Variants in GULP1 observed in about 807,000 individuals in gnomAD.
GULP1 encodes GULP PTB domain containing engulfment adaptor 1.
Under a neutral mutation model 40.9 loss-of-function variants are expected in GULP1, and 19 were observed. The ratio of observed to expected loss-of-function variants is 0.46; its 90% CI spans 0.32 to 0.68. GULP1 has a LOEUF of 0.68. Among genes scored for constraint, GULP1 ranks in the 30% least tolerant of loss-of-function variants. GULP1 has a pLI of 0.03. For synonymous variants in GULP1, 119 were observed against 117.6 expected, an observed-to-expected ratio of 1.01 and a Z score of -0.08; for missense variants, 312 against 362.2, an observed-to-expected ratio of 0.86 and a Z score of 1.12.
Position 188,477,700 on chromosome 2 carries a change from A to G in GULP1, c.-3A>G. The G allele has an allele frequency of 6.3e-7, 1 of 1,598,768 alleles. No individual in the cohort carries two copies. The highest frequency in any genetic ancestry group is 8.5e-7 in the Non-Finnish European group (1 of 1,173,292). On this transcript the variant is annotated 5_prime_UTR_variant, in exon 3 of 12. Transcript: ENST00000409830. ...CTGAACATTTATTTGGCTGATCCTC[A>G]TCATGAACCGTGCTTTTAGCAGGAA...
At chr2:188,430,977 A>G (rs2056807965) in intron 2 of GULP1, among the ~76,000 whole-genome samples, 1 of 152,192 alleles carries the variant, frequency 6.6e-6, no homozygotes, top group Non-Finnish European at 1.5e-5. Context: ...CCTTTTTAAT[A>G]TCATATTTTC....
intron 1 of GULP1, among the ~76,000 whole-genome samples, chr2:188,331,157 T>C (rs1191815012): frequency 6.6e-6 from 1 of 152,188 alleles, no homozygotes; most frequent in African/African-American, 2.4e-5. Flanking sequence ...TGAAGTATAA[T>C]TGAGCCTTAG....
intron 7 of GULP1, among the ~76,000 whole-genome samples, chr2:188,549,072 A>G (rs1692745535): frequency 6.6e-6 from 1 of 151,886 alleles, no homozygotes; most frequent in Non-Finnish European, 1.5e-5. Context: ...ATTGACATCC[A>G]TAGCAGGATT....
At chr2:188,417,967 T>G (rs1488913508) in intron 2 of GULP1, among the ~76,000 whole-genome samples, 1 of 151,728 alleles carries the variant, frequency 6.6e-6, no homozygotes, top group African/African-American at 2.4e-5. Context: ...TTTTTTTTTG[T>G]TTTTTTGTTT....
intron 2 of GULP1, among the ~76,000 whole-genome samples, chr2:188,417,743 T>C (rs1366899952): frequency 6.6e-6 from 1 of 152,202 alleles, no homozygotes; most frequent in Admixed American, 6.5e-5. Flanking sequence ...GAGTAGATTT[T>C]TACTTTTAGG....
chr2:188,477,639 A>G lies in GULP1; in HGVS notation c.-44-20A>G. On this transcript the variant is annotated intron_variant, in intron 2 of 11. Transcript: ENST00000409830. ...TCAACAGTCCTTTGTTTATGTTTTA[A>G]TATTTTGTCACTTTTACAGGATTTA... 1 of 1,297,038 alleles carries G rather than the reference A, an allele frequency of 7.7e-7. No homozygotes were observed. The highest frequency in any genetic ancestry group is 2.1e-5 in the Admixed American group (1 of 48,618). The allele number at this position is 1,297,038 out of a possible 1,614,324, so 80.3% of individuals were successfully genotyped here.
At chr2:188,314,474 C>T (rs1252830887) in intron 1 of GULP1, among the ~76,000 whole-genome samples, 1 of 152,134 alleles carries the variant, frequency 6.6e-6, no homozygotes, top group Non-Finnish European at 1.5e-5. Context: ...AACCTCTCTC[C>T]TCCCACTTGC....
chr2:188,513,019 TAA>T (rs1281253998), intron 4 of GULP1, among the ~76,000 whole-genome samples: 1 of 152,252 alleles, frequency 6.6e-6, no homozygotes, highest in East Asian at 1.9e-4. Context: ...CTGCAGCCTG[TAA>T]AATGCTGTCT....
chr2:188,528,957 CTT>C, intron 5 of GULP1, 138 bp from the exon 6 acceptor site: 1 of 529,042 alleles, frequency 1.9e-6, no homozygotes. Context: ...TTGAGACTAT[CTT>C]TATAAAATGC....
chr2:188,504,084 C>T (rs1004962094), intron 4 of GULP1, among the ~76,000 whole-genome samples: 1 of 151,756 alleles, frequency 6.6e-6, no homozygotes, highest in African/African-American at 2.4e-5. Flanking sequence ...AAAAGTAATG[C>T]TAAAAATGAT....
chr2:188,510,611 CCTCA>C (rs1446566665), intron 4 of GULP1, among the ~76,000 whole-genome samples: 2 of 151,852 alleles, frequency 1.3e-5, no homozygotes, highest in Non-Finnish European at 2.9e-5. Context: ...ATATACTCAG[CCTCA>C]CTAAGAAACA....
intron 7 of GULP1, among the ~76,000 whole-genome samples, chr2:188,543,134 T>G (rs1690966937): frequency 6.6e-6 from 1 of 152,154 alleles, no homozygotes; most frequent in African/African-American, 2.4e-5. Flanking sequence ...TCCTTGGATA[T>G]AGCGTATCAA....
chr2:188,337,104 ATATCTATATC>A (rs2152110149), intron 1 of GULP1, among the ~76,000 whole-genome samples: 1 of 146,620 alleles, frequency 6.8e-6, no homozygotes, highest in Admixed American at 6.8e-5. Context: ...ATCTATATCT[ATATCTATATC>A]TATATCTATA....
chr2:188,504,989 T>G (rs2063770352), intron 4 of GULP1, among the ~76,000 whole-genome samples: 2 of 151,748 alleles, frequency 1.3e-5, no homozygotes, highest in African/African-American at 4.8e-5. Context: ...TGTTTTATCT[T>G]TCTGTATTTT....
intron 2 of GULP1, among the ~76,000 whole-genome samples, chr2:188,446,502 G>A (rs532365519): frequency 6.6e-6 from 1 of 152,136 alleles, no homozygotes; most frequent in East Asian, 1.9e-4. Context: ...TTGTTCATAG[G>A]GCACAATTCT....
chr2:188,346,858 C>A (rs74609329), intron 1 of GULP1, among the ~76,000 whole-genome samples: 1 of 151,310 alleles, frequency 6.6e-6, no homozygotes, highest in Non-Finnish European at 1.5e-5. Flanking sequence ...GTAATCCCAA[C>A]TACTCAGGAG....
chr2:188,408,563 A>G (rs938682348), intron 2 of GULP1, among the ~76,000 whole-genome samples: 2 of 152,202 alleles, frequency 1.3e-5, no homozygotes, highest in African/African-American at 4.8e-5. Flanking sequence ...CTGTAGTACA[A>G]TAATATTAGG....
At chr2:188,478,183 A>G (rs1644209940) in intron 3 of GULP1, among the ~76,000 whole-genome samples, 1 of 152,104 alleles carries the variant, frequency 6.6e-6, no homozygotes, top group Admixed American at 6.6e-5. Context: ...GATTGAAAGC[A>G]ATGAGGCCAC....
At chr2:188,385,076 C>T (rs1559177018) in intron 2 of GULP1, among the ~76,000 whole-genome samples, 1 of 152,108 alleles carries the variant, frequency 6.6e-6, no homozygotes. Flanking sequence ...AAGTGGTGCC[C>T]CAGTAGGGAC....
Sources: gnomAD v4.1 joint callset for allele counts (sites outside exome capture counted in the v4.1 genomes callset) on GRCh38, gnomAD v4.1.1 for gene constraint, MANE v1.5 for transcripts, NCBI Gene and HGNC (gene_info 2026-07-23, HGNC 2026-07-21) for gene names.